The following MMP26 variants were observed in gnomAD, a reference collection of about 807,000 sequenced individuals.
The protein encoded by MMP26 is matrix metalloproteinase-26.
A neutral mutation model predicts 31.0 loss-of-function variants in MMP26; 33 were observed. The ratio of observed to expected loss-of-function variants is 1.06; its 90% confidence interval spans 0.81 to 1.42. The LOEUF is 1.42. Among genes scored for constraint, MMP26 ranks in the 40% most tolerant of loss-of-function variants. The pLI is 0.00. For synonymous variants in MMP26, 122 were observed against 114.9 expected (o/e 1.06, Z -0.40); for missense variants, 347 against 316.1 (o/e 1.10, Z -0.74).
chr11:4,909,895 T>TA (rs776400678), intron 2 of MMP26, among the ~76,000 whole-genome samples: 20 of 152,264 alleles, frequency 1.3e-4, no homozygotes, highest in Non-Finnish European at 2.4e-4. Flanking sequence ...TTCTCTGTCT[T>TA]ACGCTTCAAC....
intron 2 of MMP26, among the ~76,000 whole-genome samples, chr11:4,789,115 T>C (rs1283816150): frequency 6.6e-6 from 1 of 152,174 alleles, no homozygotes; most frequent in Non-Finnish European, 1.5e-5. Context: ...GGCTAAGAAG[T>C]CTTGTTGAAA....
chr11:4,803,451 A>G (rs372717045), intron 2 of MMP26: 5 of 1,607,042 alleles, frequency 3.1e-6, no homozygotes, highest in Non-Finnish European at 4.3e-6. Context: ...TGTTTCCACA[A>G]CATCCTTGGA....
chr11:4,912,348 G>A (rs530768301), intron 2 of MMP26, among the ~76,000 whole-genome samples: 20 of 152,080 alleles, frequency 1.3e-4, no homozygotes, highest in African/African-American at 3.4e-4. Flanking sequence ...CTACTATATC[G>A]GAATAACTTT....
At chr11:4,738,314 G>A (rs1433456540) in intron 1 of MMP26, among the ~76,000 whole-genome samples, 1 of 152,266 alleles carries the variant, frequency 6.6e-6, no homozygotes, top group South Asian at 2.1e-4. Flanking sequence ...GCAGATGTGG[G>A]CATTAGAGGC....
intron 1 of MMP26, among the ~76,000 whole-genome samples, chr11:4,709,006 A>T (rs931520479): frequency 6.6e-6 from 1 of 151,954 alleles, no homozygotes; most frequent in African/African-American, 2.4e-5. Flanking sequence ...TTATTTATTT[A>T]TTTTTTTCAC....
chr11:4,828,032 A>G (rs375195345), intron 2 of MMP26, among the ~76,000 whole-genome samples: 2 of 152,198 alleles, frequency 1.3e-5, no homozygotes, highest in Non-Finnish European at 2.9e-5. Context: ...AAATTCCATT[A>G]TGATTGTGGA....
chr11:4,782,968 C>T (rs117750012), intron 2 of MMP26, among the ~76,000 whole-genome samples: 14,416 of 152,192 alleles, frequency 0.095, 846 homozygotes, highest in Middle Eastern at 0.15. Flanking sequence ...TGCCTGGATA[C>T]CCAGGCAGAA....
chr11:4,727,135 G>A (rs1848111636), intron 1 of MMP26, among the ~76,000 whole-genome samples: 1 of 152,010 alleles, frequency 6.6e-6, no homozygotes, highest in Non-Finnish European at 1.5e-5. Flanking sequence ...AGAAAAAAAT[G>A]TTTTCCACTG....
chr11:4,926,451 G>T (rs1159989654), intron 2 of MMP26, among the ~76,000 whole-genome samples: 1 of 152,020 alleles, frequency 6.6e-6, no homozygotes, highest in African/African-American at 2.4e-5. Flanking sequence ...ATAAAGAAGA[G>T]AAAATTTTCC....
At chr11:4,718,122 T>C (rs1193123793) in intron 1 of MMP26, among the ~76,000 whole-genome samples, 1 of 152,306 alleles carries the variant, frequency 6.6e-6, no homozygotes, top group Non-Finnish European at 1.5e-5. Context: ...TGTTGGCTAT[T>C]TATTAGACAT....
chr11:4,771,149 G>A (rs192794108), intron 2 of MMP26, among the ~76,000 whole-genome samples: 1 of 152,286 alleles, frequency 6.6e-6, no homozygotes, highest in East Asian at 1.9e-4. Flanking sequence ...GACAGAATTC[G>A]AGAAATTGAT....
At chr11:4,731,215 A>C (rs1848169217) in intron 1 of MMP26, among the ~76,000 whole-genome samples, 1 of 152,170 alleles carries the variant, frequency 6.6e-6, no homozygotes, top group South Asian at 2.1e-4. Context: ...CTGAGATTAC[A>C]GGTGTGAGCC....
intron 2 of MMP26, among the ~76,000 whole-genome samples, chr11:4,949,932 CA>C (rs1846355930): frequency 8.1e-6 from 1 of 122,806 alleles, no homozygotes; most frequent in Non-Finnish European, 1.8e-5. Context: ...GAACTAATGG[CA>C]CTTATTCCGG....
intron 5 of MMP26, 40 bp from the exon 6 acceptor site, chr11:4,991,331 C>T (rs766613586): frequency 6.3e-7 from 1 of 1,595,510 alleles, no homozygotes; most frequent in Non-Finnish European, 8.6e-7. Context: ...TTTGTTTCTA[C>T]CTCCACCCTC....
In MMP26 at chr11:4,953,058, C is replaced by T. The variant is rs532098110; in HGVS notation, c.-144-35010C>T. Among the ~76,000 whole-genome samples the T allele has an allele frequency of 4.8e-5, 6 of 124,884 alleles. 1 individual carries two copies. Among genetic ancestry groups the T allele is most frequent in the African/African-American group, 1.6e-4 (6 of 36,764 alleles). The allele number at this position is 124,884 out of a possible 152,430, so 81.9% of individuals were successfully genotyped here. A position where few individuals can be genotyped will look rare whatever the true frequency, so the allele number is the denominator to read the frequency against. ...TTCACAATATGCAAGATTTTGAGGT[C>T]ATAGTGGGAAGGAAAGTTGGACTAT... On this transcript the variant is annotated intron_variant, in intron 2 of 7. Coordinates refer to ENST00000380390, the MANE Select transcript of MMP26 (RefSeq NM_021801.5).
intron 2 of MMP26, among the ~76,000 whole-genome samples, chr11:4,906,168 C>A (rs1850885059): frequency 6.6e-6 from 1 of 152,284 alleles, no homozygotes; most frequent in South Asian, 2.1e-4. Context: ...ACATTTAATA[C>A]ATGAATATGT....
chr11:4,884,886 CTG>C (rs1405596061), intron 2 of MMP26, among the ~76,000 whole-genome samples: 2 of 152,070 alleles, frequency 1.3e-5, no homozygotes, highest in Middle Eastern at 3.4e-3. Context: ...AGAAATATTG[CTG>C]TGTTTGAATG....
intron 2 of MMP26, among the ~76,000 whole-genome samples, chr11:4,905,164 A>G (rs1482264408): frequency 2.0e-5 from 3 of 152,124 alleles, no homozygotes; most frequent in Non-Finnish European, 2.9e-5. Context: ...TTGCTAAGAA[A>G]ACACAGTCCA....
At chr11:4,738,291 C>T (rs899895075) in intron 1 of MMP26, among the ~76,000 whole-genome samples, 4 of 152,070 alleles carry the variant, frequency 2.6e-5, no homozygotes, top group Non-Finnish European at 5.9e-5. Context: ...ACAGGAGAGC[C>T]GGGCAGTTTT....
Sources: gnomAD v4.1 joint callset for allele counts (sites outside exome capture counted in the v4.1 genomes callset) on GRCh38, gnomAD v4.1.1 for gene constraint, MANE v1.5 for transcripts, NCBI Gene and HGNC (gene_info 2026-07-23, HGNC 2026-07-21) for gene names.